Variants in ATXN2 observed in about 807,000 individuals in gnomAD.
ATXN2 encodes ataxin-2.
In ATXN2, 37 loss-of-function variants were observed where a neutral mutation model predicts 138.6. That is an observed-to-expected ratio of 0.27 (90% CI 0.21 to 0.35). ATXN2 has a LOEUF of 0.35. ATXN2 is among the 10% of genes least tolerant of loss of function. ATXN2 has a pLI of 1.00. For synonymous variants in ATXN2, 549 were observed against 543.7 expected, an observed-to-expected ratio of 1.01 and a Z score of -0.13; for missense variants, 1,216 against 1,480.3, an observed-to-expected ratio of 0.82 and a Z score of 2.93.
In ATXN2 at chr12:111,453,002, T is replaced by C; in HGVS notation, c.3440-162A>G. On this transcript the variant is annotated intron_variant, in intron 24 of 24. Transcript: ENST00000673436. The surrounding 1 kb of genome is among the most constrained non-coding windows in gnomAD (Gnocchi z 5.4). Reference sequence around the variant, plus strand: ...CCCATCTGCACCAAAGTGGGGAGGGTTGGGTGGGTGGGTAGAAACAAACCA... The same window carrying C: ...CCCATCTGCACCAAAGTGGGGAGGGCTGGGTGGGTGGGTAGAAACAAACCA... 1.7e-6 allele frequency: 1 copy of C among 574,442 alleles called. No individual in the cohort carries two copies. Among genetic ancestry groups the C allele is most frequent in the Non-Finnish European group, 2.3e-6 (1 of 436,994 alleles). 35.6% of individuals were successfully genotyped at this position (574,442 alleles called of 1,614,324 possible). A position where few individuals can be genotyped will look rare whatever the true frequency, so the allele number is the denominator to read the frequency against.
At chr12:111,495,658 C>CACT (rs1491286445) in intron 14 of ATXN2, among the ~76,000 whole-genome samples, 1 of 152,112 alleles carries the variant, frequency 6.6e-6, no homozygotes, top group Non-Finnish European at 1.5e-5. Context: ...TTCAACACCC[C>CACT]ACTCTCAGCA....
At chr12:111,464,969 C>T (rs1272089619) in intron 20 of ATXN2, among the ~76,000 whole-genome samples, 1 of 152,158 alleles carries the variant, frequency 6.6e-6, no homozygotes, top group Non-Finnish European at 1.5e-5. Flanking sequence ...AAATCATTAT[C>T]TAATAAAAAC....
At chr12:111,597,950 C>G in intron 1 of ATXN2, 2 of 1,246,670 alleles carry the variant, frequency 1.6e-6, no homozygotes, top group Non-Finnish European at 2.1e-6. Context: ...ACTGCGGCCT[C>G]GAACAGCAAT....
chr12:111,513,274 TCAAA>T (rs1462370063), intron 11 of ATXN2, 79 bp downstream of exon 11: 26 of 1,477,522 alleles, frequency 1.8e-5, no homozygotes, highest in African/African-American at 5.7e-5. Context: ...TTACACTTCC[TCAAA>T]CAGAGTTGTA....
At chr12:111,481,683 A>T (rs1007655543) in intron 18 of ATXN2, among the ~76,000 whole-genome samples, 3 of 151,952 alleles carry the variant, frequency 2.0e-5, no homozygotes, top group African/African-American at 7.3e-5. Context: ...ATTTTTTGAG[A>T]CTCACTCTTT....
At chr12:111,467,306 G>GTTT (rs1876095446) in intron 20 of ATXN2, among the ~76,000 whole-genome samples, 40 of 80,928 alleles carry the variant, frequency 4.9e-4, no homozygotes, top group African/African-American at 3.7e-3. Flanking sequence ...CCATGACTGG[G>GTTT]CTTTTTTTTT....
At position 111,598,405 on chromosome 12, in the gene ATXN2, T is replaced by A. The variant is rs1439466723; in HGVS notation, c.251+379A>T. ...CCAACGTTCACACCTAAACCGGGAG[T>A]GGAGGAGCTGCCCGAGCATCCCCAC... On this transcript the variant is annotated intron_variant, in intron 1 of 24. Transcript: ENST00000673436. The surrounding 1 kb of genome is among the most constrained non-coding windows in gnomAD (Gnocchi z 4.5). 1.0e-6 allele frequency: 1 copy of A among 984,160 alleles called. No homozygotes were observed. Among genetic ancestry groups the A allele is most frequent in the Non-Finnish European group, 1.2e-6 (1 of 829,826 alleles). 61.0% of individuals were successfully genotyped at this position (984,160 alleles called of 1,614,324 possible). A position where few individuals can be genotyped will look rare whatever the true frequency, so the allele number is the denominator to read the frequency against.
rs528785955 is a variant in ATXN2 at position 111,522,603 on chromosome 12, C to T, written c.697-1630G>A. 6.1e-5 allele frequency among the ~76,000 whole-genome samples: 9 copies of T among 148,098 alleles called. No homozygotes were observed. The East Asian group carries it at 1.6e-3, about 27-fold the overall frequency. ...CAAGTCTGGGCGACAGAGCGAGACT[C>T]CATCTTAAAAGAAAAAAAAAGAGTT... On this transcript the variant is annotated intron_variant, in intron 6 of 24. Transcript: ENST00000673436.
chr12:111,520,599 C>A (rs1042558117), intron 7 of ATXN2, among the ~76,000 whole-genome samples: 2 of 151,890 alleles, frequency 1.3e-5, no homozygotes, highest in Non-Finnish European at 2.9e-5. Flanking sequence ...TGCAGTGAGC[C>A]GAGATTGCAC....
intron 18 of ATXN2, among the ~76,000 whole-genome samples, chr12:111,473,640 G>A (rs1040463118): frequency 4.6e-5 from 7 of 151,942 alleles, no homozygotes; most frequent in East Asian, 3.9e-4. Flanking sequence ...AAATTAAGGC[G>A]CTAAAGGGAC....
intron 1 of ATXN2, among the ~76,000 whole-genome samples, chr12:111,557,865 T>C (rs1034223988): frequency 2.6e-5 from 4 of 152,214 alleles, no homozygotes; most frequent in Non-Finnish European, 5.9e-5. Context: ...CTTAGAACGA[T>C]GATCTGGTAT....
At chr12:111,471,663 G>A (rs1404857468) in intron 18 of ATXN2, 2 of 151,896 alleles carry the variant, frequency 1.3e-5, no homozygotes, top group Non-Finnish European at 2.9e-5. Context: ...ATTTGGGAGA[G>A]CTAGTTACAT....
At position 111,493,418 on chromosome 12, in the gene ATXN2, C is replaced by CAAAAAAAAAAAAAAAA. The variant is rs59185968; in HGVS notation, c.1936-4654_1936-4639dup. Among the ~76,000 whole-genome samples, 2 of 45,646 alleles carry CAAAAAAAAAAAAAAAA rather than the reference C, an allele frequency of 4.4e-5. 1 individual carries two copies. The highest frequency in any genetic ancestry group is 2.0e-4 in the African/African-American group (2 of 10,006). The allele number at this position is 45,646 out of a possible 152,430, so 29.9% of individuals were successfully genotyped here. ...CTGGTAACAGAGCATGACTCTGTCT[C>CAAAAAAAAAAAAAAAA]AAAAAAAAAAAAAAAAAAAAAAAGT... On this transcript the variant is annotated intron_variant, in intron 14 of 24. Coordinates refer to ENST00000673436, the MANE Select transcript of ATXN2 (RefSeq NM_001372574.1).
Position 111,510,030 on chromosome 12 carries a change from TAAGTTAGA to T in ATXN2, c.1757-40_1757-33del. The stretch of plus-strand genomic sequence containing the variant: ...AACAATTTTTTAAAAAAAATTCAGA[TAAGTTAGA>T]AAAGCAAAACAAGAAAACACTGAAC... On this transcript the variant is annotated intron_variant, in intron 12 of 24. Transcript: ENST00000673436. 3 of 1,481,268 alleles carry T rather than the reference TAAGTTAGA, an allele frequency of 2.0e-6. No homozygotes were observed. The South Asian group carries it at 3.7e-5, about 18-fold the overall frequency. The allele number at this position is 1,481,268 out of a possible 1,614,324, so 91.8% of individuals were successfully genotyped here.
chr12:111,538,243 T>C (rs1397285313), intron 5 of ATXN2, among the ~76,000 whole-genome samples: 3 of 152,208 alleles, frequency 2.0e-5, no homozygotes, highest in Admixed American at 2.0e-4. Context: ...GCAGTATTTA[T>C]TTTCCTTACT....
In ATXN2 at chr12:111,452,341, C is replaced by G. The variant is rs532249038; in HGVS notation, c.*471G>C. 1 of 153,132 alleles carries G rather than the reference C, an allele frequency of 6.5e-6. No homozygotes were observed. Among genetic ancestry groups the G allele is most frequent in the African/African-American group, 2.4e-5 (1 of 41,316 alleles). 9.5% of individuals were successfully genotyped at this position (153,132 alleles called of 1,614,324 possible). A position where few individuals can be genotyped will look rare whatever the true frequency, so the allele number is the denominator to read the frequency against. ...TGTAGACAGTGATCACCTCATCAAA[C>G]TTGATTTATAAATAATAATCCGTCA... On this transcript the variant is annotated 3_prime_UTR_variant, in exon 25 of 25. Transcript: ENST00000673436.
chr12:111,591,742 A>C (rs1454388975), intron 1 of ATXN2, among the ~76,000 whole-genome samples: 5 of 151,656 alleles, frequency 3.3e-5, no homozygotes, highest in Non-Finnish European at 5.9e-5. Flanking sequence ...TTCCATTTTT[A>C]AGATTTAGGA....
chr12:111,529,924 CA>C (rs1446489693), intron 5 of ATXN2, among the ~76,000 whole-genome samples: 3 of 152,144 alleles, frequency 2.0e-5, no homozygotes. Flanking sequence ...TTTAACATCA[CA>C]AACCCTCAAA....
intron 18 of ATXN2, among the ~76,000 whole-genome samples, chr12:111,475,640 G>A (rs919342316): frequency 1.3e-5 from 2 of 151,370 alleles, no homozygotes; most frequent in Non-Finnish European, 2.9e-5. Context: ...ACAGGTGCCT[G>A]CCACCGGGCC....
Sources: allele counts gnomAD v4.1 joint callset (sites outside exome capture counted in the v4.1 genomes callset), GRCh38; gene constraint gnomAD v4.1.1; non-coding constraint Gnocchi (gnomAD v3.1); transcripts MANE v1.5; gene names NCBI Gene and HGNC (gene_info 2026-07-23, HGNC 2026-07-21).